TCERG1: variants seen among roughly 807,000 people sequenced by gnomAD.
TCERG1 encodes TATA box binding protein (TBP)-associated factor, RNA polymerase II, S, 150kD.
In TCERG1, 37 loss-of-function variants were observed where a neutral mutation model predicts 144.7. The observed-to-expected ratio is 0.26, with a 90% CI of 0.20 to 0.34. The LOEUF (loss-of-function observed/expected upper bound fraction) is 0.34, where lower values mean the gene tolerates loss of function less well. TCERG1 is among the 10% of genes least tolerant of loss of function. The pLI, the probability that TCERG1 is intolerant of heterozygous loss-of-function variation, is 1.00. For synonymous variants in TCERG1, 492 were observed against 458.2 expected (o/e 1.07, Z -0.94); for missense variants, 1,027 against 1,380.7 (o/e 0.74, Z 4.06).
intron 15 of TCERG1, among the ~76,000 whole-genome samples, chr5:146,489,811 A>T (rs1766224062): frequency 6.6e-6 from 1 of 152,198 alleles, no homozygotes; most frequent in Non-Finnish European, 1.5e-5. Flanking sequence ...TCATGAGTTG[A>T]AGTTATCAGA....
Position 146,463,625 on chromosome 5 carries a change from G to C in TCERG1, c.967G>C (p.Ala323Pro). ...GCCTACAGTTAGTGTTTCAACTCCT[G>C]CTCCTACAGCCACACCTGTGCAAAC... Reference protein sequence around the residue: ...ATPTVSVSTPAPTATPVQTVP... With the variant: ...ATPTVSVSTPPPTATPVQTVP... Residue 323 changes from alanine (A) to proline (P), a missense_variant, in exon 5 of 23, where the codon GCT (alanine) becomes CCT (proline). Physicochemically the swap from Ala to Pro is conservative, Grantham distance 27 (BLOSUM62 -1). Transcript: ENST00000679501. 6.8e-6 allele frequency: 11 copies of C among 1,614,178 alleles called. No homozygotes were observed. The highest frequency in any genetic ancestry group is 9.3e-6 in the Non-Finnish European group (11 of 1,180,026).
chr5:146,479,444 C>CT (rs1418068475), intron 10 of TCERG1, among the ~76,000 whole-genome samples: 1 of 152,038 alleles, frequency 6.6e-6, no homozygotes, highest in African/African-American at 2.4e-5. Context: ...TTCAGCAATA[C>CT]TTGTTTTATA....
chr5:146,479,779 CAG>C, intron 10 of TCERG1, 74 bp from the exon 11 acceptor site: 1 of 1,422,618 alleles, frequency 7.0e-7, no homozygotes, highest in Non-Finnish European at 9.8e-7. Flanking sequence ...ATTATGTAAA[CAG>C]TAATTTTTAA....
chr5:146,485,938 G>A (rs780833010), intron 15 of TCERG1, among the ~76,000 whole-genome samples: 5 of 152,208 alleles, frequency 3.3e-5, no homozygotes, highest in African/African-American at 1.2e-4. Context: ...CAAGTAATCC[G>A]CCTGCCTTGG....
intron 13 of TCERG1, chr5:146,482,382 A>T: frequency 2.6e-6 from 1 of 388,004 alleles, no homozygotes; most frequent in Non-Finnish European, 4.6e-6. Context: ...TAATGTAGCC[A>T]TTGTAAATCA....
intron 15 of TCERG1, among the ~76,000 whole-genome samples, chr5:146,488,462 A>G (rs1194110604): frequency 6.6e-6 from 1 of 152,208 alleles, no homozygotes; most frequent in Non-Finnish European, 1.5e-5. Flanking sequence ...AATGGCCAAT[A>G]AATATATGAA....
At chr5:146,504,412 AG>A (rs1561705695) in intron 19 of TCERG1, 3 of 153,890 alleles carry the variant, frequency 1.9e-5, no homozygotes, top group Non-Finnish European at 4.3e-5. Context: ...ATGAGATTGT[AG>A]GACTGGAGGT....
intron 14 of TCERG1, 108 bp downstream of exon 14, chr5:146,482,835 T>G: frequency 7.7e-7 from 1 of 1,295,328 alleles, no homozygotes; most frequent in Non-Finnish European, 1.0e-6. Flanking sequence ...TGGGGGGGGA[T>G]AAGGGGATTT....
At position 146,510,756 on chromosome 5, in the gene TCERG1, AAGG is replaced by A; in HGVS notation, c.*117_*119del. The A allele has an allele frequency of 1.0e-6, 1 of 972,096 alleles. No individual in the cohort carries two copies. The highest frequency in any genetic ancestry group is 1.5e-6 in the Non-Finnish European group (1 of 681,368). 60.2% of individuals were successfully genotyped at this position (972,096 alleles called of 1,614,324 possible). On this transcript the variant is annotated 3_prime_UTR_variant, in exon 23 of 23. Coordinates refer to ENST00000679501, the MANE Select transcript of TCERG1 (RefSeq NM_001382548.1). ...TATTGCGAAACCATCTGACAAACAG[AAGG>A]AGAAGCATTTGTGAACAGTTTCTGA...
intron 10 of TCERG1, 50 bp from the exon 11 acceptor site, chr5:146,479,804 GT>G: frequency 6.3e-7 from 1 of 1,592,310 alleles, no homozygotes; most frequent in Non-Finnish European, 8.6e-7. Flanking sequence ...AGAAAAGTTT[GT>G]GAAATATATG....
chr5:146,448,098 A>G (rs1258980582), intron 1 of TCERG1, among the ~76,000 whole-genome samples: 1 of 152,164 alleles, frequency 6.6e-6, no homozygotes, highest in Non-Finnish European at 1.5e-5. Flanking sequence ...AGTAGTTGCT[A>G]TTAACATTTT....
chr5:146,471,515 G>C lies in TCERG1; in HGVS notation c.1540G>C (p.Glu514Gln). Reference protein sequence around the residue: ...EEPKEEEMTEEEKAAQKAKPV... With the variant: ...EEPKEEEMTEQEKAAQKAKPV... The stretch of plus-strand genomic sequence containing the variant: ...GCCCAAAGAAGAGGAGATGACTGAA[G>C]AAGAAAAGGCTGCCCAGAAGGCAAA... The change falls in exon 9 of 23, where the codon GAA becomes CAA. Residue 514 changes from glutamate to glutamine, a missense_variant. Physicochemically the swap from Glu to Gln is conservative, Grantham distance 29. Around this residue, in one of 6 missense-constraint regions of TCERG1, gnomAD observed 482 missense variants for 632.6 expected, o/e 0.76. Transcript: ENST00000679501. 7 of 1,613,608 alleles carry C rather than the reference G, an allele frequency of 4.3e-6. No homozygotes were observed. Among genetic ancestry groups the C allele is most frequent in the Non-Finnish European group, 5.9e-6 (7 of 1,179,746 alleles).
At chr5:146,484,539 T>G (rs762906163) in intron 15 of TCERG1, among the ~76,000 whole-genome samples, 1 of 152,042 alleles carries the variant, frequency 6.6e-6, no homozygotes, top group Admixed American at 6.6e-5. Context: ...GGTCTAATCA[T>G]GGACTTGAAT....
At chr5:146,484,793 CA>C (rs1373235659) in intron 15 of TCERG1, among the ~76,000 whole-genome samples, 1 of 152,112 alleles carries the variant, frequency 6.6e-6, no homozygotes, top group Non-Finnish European at 1.5e-5. Flanking sequence ...AATCTACCTT[CA>C]AAAAATTTTC....
intron 1 of TCERG1, among the ~76,000 whole-genome samples, chr5:146,454,037 C>CAAAA (rs56657111): frequency 1.4e-4 from 18 of 129,828 alleles, no homozygotes; most frequent in African/African-American, 5.2e-4. Context: ...TACTCAAATA[C>CAAAA]AAAAAAAAAA....
intron 3 of TCERG1, 47 bp downstream of exon 3, chr5:146,457,382 A>G: frequency 6.5e-7 from 1 of 1,529,616 alleles, no homozygotes; most frequent in Admixed American, 2.0e-5. Flanking sequence ...ACAGAGGAGT[A>G]AAACTTAAAG....
In TCERG1 at chr5:146,467,093, TTTTA is replaced by T. The variant is rs941519081; in HGVS notation, c.1136-1244_1136-1241del. Among the ~76,000 whole-genome samples the T allele has an allele frequency of 5.4e-4, 82 of 152,314 alleles. 1 individual carries two copies. Among genetic ancestry groups the T allele is most frequent in the African/African-American group, 1.9e-3 (80 of 41,572 alleles). Reference sequence around the variant, plus strand: ...TCAACATGCTTTCATGATCCAATGTTTTTATTTTAGTTTAAAAGTTAATAGAAAG... The same window carrying T: ...TCAACATGCTTTCATGATCCAATGTTTTTTAGTTTAAAAGTTAATAGAAAG... On this transcript the variant is annotated intron_variant, in intron 5 of 22. Coordinates refer to ENST00000679501, the MANE Select transcript of TCERG1 (RefSeq NM_001382548.1).
chr5:146,480,643 A>G (rs1438447489), intron 12 of TCERG1: 2 of 152,396 alleles, frequency 1.3e-5, no homozygotes, highest in Admixed American at 1.3e-4. Context: ...AGGATGGGGT[A>G]GAGGGTATGC....
intron 1 of TCERG1, among the ~76,000 whole-genome samples, chr5:146,452,920 G>T (rs1762482762): frequency 6.6e-6 from 1 of 152,170 alleles, no homozygotes; most frequent in Non-Finnish European, 1.5e-5. Flanking sequence ...TGAACCAGTT[G>T]TGTGGCCTTG....
Sources: gnomAD v4.1 joint callset for allele counts (sites outside exome capture counted in the v4.1 genomes callset) on GRCh38, gnomAD v4.1.1 for gene constraint, gnomAD v4.1.1 regional missense constraint, MANE v1.5 for transcripts, NCBI Gene and HGNC (gene_info 2026-07-23, HGNC 2026-07-21) for gene names.